The following SYTL2 variants were observed in gnomAD, a reference collection of about 807,000 sequenced individuals.
SYTL2 encodes synaptotagmin like 2.
SYTL2 carries 165 observed loss-of-function variants against 198.7 expected under a neutral mutation model. That is an observed-to-expected ratio of 0.83 (90% CI 0.73 to 0.94). The LOEUF (loss-of-function observed/expected upper bound fraction) is 0.94. SYTL2 is among the 40% of genes least tolerant of loss of function. SYTL2 has a pLI of 0.00. For missense variants in SYTL2, 2,835 were observed against 2,582.8 expected (o/e 1.10, Z -2.12); for synonymous variants, 966 against 917.7 (o/e 1.05, Z -0.95).
the SYTL2 span, chr11:85,853,473 A>C: frequency 3.0e-6 from 1 of 337,332 alleles, no homozygotes. Context: ...CATGCTCCTT[A>C]AGAGTCATCA....
intron 4 of SYTL2, among the ~76,000 whole-genome samples, chr11:85,738,479 A>G (rs1206541374): frequency 6.6e-6 from 1 of 152,178 alleles, no homozygotes; most frequent in Non-Finnish European, 1.5e-5. Context: ...ATAGGAATGT[A>G]TAATGGAGCC....
chr11:85,842,092 C>T, the SYTL2 span, among the ~76,000 whole-genome samples: 1 of 152,188 alleles, frequency 6.6e-6, no homozygotes, highest in Admixed American at 6.5e-5. Context: ...GGTCTACACC[C>T]TTACAGAGTT....
In SYTL2 at chr11:85,695,202, G is replaced by C. The variant is rs774462808; in HGVS notation, c.6713C>G (p.Ser2238Cys). 6.2e-7 allele frequency: 1 copy of C among 1,611,128 alleles called. No homozygotes were observed. The highest frequency in any genetic ancestry group is 8.5e-7 in the Non-Finnish European group (1 of 1,178,208). ...AGCCAGTGGAATTTGGGCTCATTTG[G>C]AAATCTTGGCAATCAAAAGCATTCT... ...PLRMLLIAKI[S>C]K Residue 2238 changes from serine (S) to cysteine (C), a missense_variant, in exon 20 of 20, where the codon TCC becomes TGC. By Grantham distance (112) the Ser-to-Cys change is moderately radical. Around this residue, in one of 3 missense-constraint regions of SYTL2, gnomAD observed 185 missense variants for 182.1 expected, o/e 1.02. Transcript: ENST00000359152.
At chr11:85,735,722 A>C (rs1461725558) in intron 6 of SYTL2, among the ~76,000 whole-genome samples, 1 of 151,924 alleles carries the variant, frequency 6.6e-6, no homozygotes, top group East Asian at 1.9e-4. Context: ...GCACCACTGC[A>C]CTCCAGCCTG....
At chr11:85,754,240 A>C (rs2091723277) in intron 2 of SYTL2, among the ~76,000 whole-genome samples, 1 of 152,194 alleles carries the variant, frequency 6.6e-6, no homozygotes, top group East Asian at 1.9e-4. Context: ...ATTAGATAGT[A>C]AATTCCTTGA....
chr11:85,748,185 C>T, intron 3 of SYTL2, 87 bp downstream of exon 3: 1 of 1,394,346 alleles, frequency 7.2e-7, no homozygotes, highest in African/African-American at 1.4e-5. Flanking sequence ...TGATTTCCAT[C>T]AGCAGATTTC....
At chr11:85,767,603 A>G (rs1397226909) in intron 1 of SYTL2, among the ~76,000 whole-genome samples, 1 of 152,168 alleles carries the variant, frequency 6.6e-6, no homozygotes, top group Non-Finnish European at 1.5e-5. Context: ...TGGTACAATC[A>G]CATACACTCC....
chr11:85,765,062 A>G (rs931203477), intron 1 of SYTL2, among the ~76,000 whole-genome samples: 1 of 152,200 alleles, frequency 6.6e-6, no homozygotes, highest in Non-Finnish European at 1.5e-5. Context: ...AAATTACTCA[A>G]TGTAGTGGGT....
the SYTL2 span, among the ~76,000 whole-genome samples, chr11:85,850,406 C>T: frequency 6.6e-6 from 1 of 151,880 alleles, no homozygotes; most frequent in Non-Finnish European, 1.5e-5. Context: ...ATTTATGCAG[C>T]CAAAAAACAC....
At chr11:85,843,157 C>G in the SYTL2 span, among the ~76,000 whole-genome samples, 1 of 151,996 alleles carries the variant, frequency 6.6e-6, no homozygotes, top group African/African-American at 2.4e-5. Context: ...GCAGATCACT[C>G]GAGGTCTGGA....
intron 1 of SYTL2, among the ~76,000 whole-genome samples, chr11:85,799,084 G>C (rs1376397437): frequency 6.6e-6 from 1 of 152,132 alleles, no homozygotes; most frequent in Non-Finnish European, 1.5e-5. Flanking sequence ...CTAATTAATT[G>C]ATAACTGCCC....
At chr11:85,731,535 A>C (rs2089831581) in intron 7 of SYTL2, among the ~76,000 whole-genome samples, 1 of 152,242 alleles carries the variant, frequency 6.6e-6, no homozygotes, top group South Asian at 2.1e-4. Context: ...AGCCATACGC[A>C]GAAAACTGAA....
At chr11:85,836,301 T>A in the SYTL2 span, among the ~76,000 whole-genome samples, 3 of 152,148 alleles carry the variant, frequency 2.0e-5, no homozygotes, top group East Asian at 5.8e-4. Flanking sequence ...ATGTCTCCTT[T>A]CCAATTCTCT....
intron 3 of SYTL2, among the ~76,000 whole-genome samples, chr11:85,748,049 C>T (rs1279866682): frequency 6.6e-6 from 1 of 152,038 alleles, no homozygotes; most frequent in African/African-American, 2.4e-5. Flanking sequence ...CAACAGGGCA[C>T]CTAAAGGGCT....
rs144884045 is a variant in SYTL2 at position 85,698,959 on chromosome 11, G to A, written c.6269-881C>T. On this transcript the variant is annotated intron_variant, in intron 17 of 19. Transcript: ENST00000359152. ...ATTGTTGTCTAGGCTGGGTTCATAC[G>A]AACAGAGGAATGCCACCAGATTTTT... is the stretch of plus-strand genomic sequence containing the variant. Among the ~76,000 whole-genome samples, 12 of 152,310 alleles carry A rather than the reference G, an allele frequency of 7.9e-5. No individual in the cohort carries two copies. In the East Asian group the frequency reaches 2.1e-3, roughly 27 times the overall value.
intron 1 of SYTL2, among the ~76,000 whole-genome samples, chr11:85,797,641 G>C (rs1412925230): frequency 6.7e-6 from 1 of 148,758 alleles, no homozygotes; most frequent in African/African-American, 2.5e-5. Context: ...AAAAAAAAAA[G>C]AAAAGAAAAA....
Position 85,726,323 on chromosome 11 carries a change from G to T in SYTL2, c.3035C>A (p.Ser1012Tyr), listed in dbSNP as rs1340058274. ...GTGTTTCTGCCTATTAAAAGGTGCA[G>T]AATTTTTTTGGCTTGTGGTGGTAAT... is the stretch of plus-strand genomic sequence containing the variant. Reference protein sequence around the residue: ...KNITTTSQKNSAPFNRQKHKE... With the variant: ...KNITTTSQKNYAPFNRQKHKE... The change falls in exon 8 of 20, where the codon TCT becomes TAT. Residue 1012 changes from serine to tyrosine, a missense_variant. Ser to Tyr is a moderately radical substitution (Grantham distance 144). Transcript: ENST00000359152. 4 of 1,613,932 alleles carry T rather than the reference G, an allele frequency of 2.5e-6. No individual in the cohort carries two copies. In the African/African-American group the frequency reaches 4.0e-5, roughly 16 times the overall value.
rs71482596 is a variant in SYTL2 at position 85,727,741 on chromosome 11, G to T, written c.1617C>A (p.Leu539=). ...TGGACTCTATTCCTCGGGGATGTTG[G>T]AGGAATGACTTATTGTCATCTGAAT... is the stretch of plus-strand genomic sequence containing the variant. The part of the protein sequence containing the change: ...SSYSDDNKSF[L]QHPRGIESKE... The change falls in exon 8 of 20, where the codon CTC becomes CTA. Residue 539 remains leucine, a synonymous_variant. Transcript: ENST00000359152. 1.3e-6 allele frequency: 2 copies of T among 1,554,346 alleles called. No individual in the cohort carries two copies. The highest frequency in any genetic ancestry group is 1.4e-5 in the African/African-American group (1 of 73,338).
At chr11:85,717,154 A>G (rs2087434311) in intron 11 of SYTL2, 2 of 168,496 alleles carry the variant, frequency 1.2e-5, no homozygotes, top group African/African-American at 4.8e-5. Flanking sequence ...CAACATAAAA[A>G]CCAAATGAAA....
Sources: gnomAD v4.1 joint callset for allele counts (sites outside exome capture counted in the v4.1 genomes callset) on GRCh38, gnomAD v4.1.1 for gene constraint, gnomAD v4.1.1 regional missense constraint, MANE v1.5 for transcripts, NCBI Gene and HGNC (gene_info 2026-07-23, HGNC 2026-07-21) for gene names.